Variants in ANO6 observed in about 807,000 individuals in gnomAD.
ANO6 encodes the protein anoctamin 6, also known as anoctamin-6.
Under a neutral mutation model 117.5 loss-of-function variants are expected in ANO6, and 106 were observed. That is an observed-to-expected ratio of 0.90 (90% CI 0.77 to 1.06). The LOEUF (loss-of-function observed/expected upper bound fraction) is 1.06. ANO6 is among the 50% of genes least tolerant of loss of function. The pLI is 0.00. For missense variants in ANO6, 955 were observed against 1,121.1 expected (o/e 0.85, Z 2.12); for synonymous variants, 367 against 385.1 (o/e 0.95, Z 0.55).
rs144265779 is a variant in ANO6 at position 45,349,580 on chromosome 12, GAAAGT to G, written c.747+954_747+958del. Among the ~76,000 whole-genome samples the G allele has an allele frequency of 8.0e-3, 1,217 of 152,286 alleles. 17 individuals are homozygous for G. The highest frequency in any genetic ancestry group is 0.027 in the African/African-American group (1,112 of 41,554). The stretch of plus-strand genomic sequence containing the variant: ...ATTTATCTGACTGTGTAAGACCAAA[GAAAGT>G]AAAGACTGAGATTGGTAATTGCTAC... On this transcript the variant is annotated intron_variant, in intron 6 of 19. Transcript: ENST00000320560.
chr12:45,390,440 T>G lies in ANO6; in HGVS notation c.1328T>G (p.Phe443Cys). ...AATTAGGAAGAAGAACGCATTCCCTTTACTGCCTGGGGAAAATGTATACGG... is the reference window on the plus strand; with the variant it reads ...AATTAGGAAGAAGAACGCATTCCCTGTACTGCCTGGGGAAAATGTATACGG... ...EITQEEERIP[F>C]TAWGKCIRIT... is the part of the protein sequence containing the mutation. The change falls in exon 12 of 20, where the codon TTT (phenylalanine) becomes TGT (cysteine). Residue 443 changes from phenylalanine to cysteine, a missense_variant. By Grantham distance (205) the Phe-to-Cys change is radical. Transcript: ENST00000320560. 2 of 1,613,984 alleles carry G rather than the reference T, an allele frequency of 1.2e-6. No individual in the cohort carries two copies. The highest frequency in any genetic ancestry group is 1.7e-6 in the Non-Finnish European group (2 of 1,179,904).
At chr12:45,228,464 G>A (rs1437714606) in intron 1 of ANO6, among the ~76,000 whole-genome samples, 1 of 152,014 alleles carries the variant, frequency 6.6e-6, no homozygotes, top group Non-Finnish European at 1.5e-5. Context: ...AAGTATGCAT[G>A]CTCCTTTGTG....
chr12:45,306,024 A>C (rs1328791060), intron 2 of ANO6, among the ~76,000 whole-genome samples: 1 of 152,152 alleles, frequency 6.6e-6, no homozygotes, highest in African/African-American at 2.4e-5. Flanking sequence ...CTGAGTACAC[A>C]TGAGCTGAGG....
chr12:45,316,770 T>C (rs1356358807), intron 2 of ANO6, among the ~76,000 whole-genome samples: 1 of 151,486 alleles, frequency 6.6e-6, no homozygotes, highest in Non-Finnish European at 1.5e-5. Context: ...ATATATGACA[T>C]ATATATGTAT....
At chr12:45,252,517 T>C (rs74080983) in intron 1 of ANO6, among the ~76,000 whole-genome samples, 1,581 of 152,340 alleles carry the variant, frequency 0.01, 31 homozygotes, top group African/African-American at 0.036. Context: ...ACTGTTTTTA[T>C]GAGCTGTTTG....
At chr12:45,290,171 A>AT (rs879335553) in intron 1 of ANO6, among the ~76,000 whole-genome samples, 30 of 147,606 alleles carry the variant, frequency 2.0e-4, no homozygotes, top group Admixed American at 3.4e-4. Context: ...TACATGTAAA[A>AT]TTTTTTTTTT....
chr12:45,417,992 ACATAT>A (rs1378663566), intron 17 of ANO6, among the ~76,000 whole-genome samples: 8 of 152,324 alleles, frequency 5.3e-5, no homozygotes, highest in Non-Finnish European at 1.0e-4. Flanking sequence ...ATTCCCTACC[ACATAT>A]CATAAGAATA....
chr12:45,232,744 T>C (rs1211375785), intron 1 of ANO6, among the ~76,000 whole-genome samples: 1 of 152,218 alleles, frequency 6.6e-6, no homozygotes, highest in Non-Finnish European at 1.5e-5. Flanking sequence ...TGCTAGTGGT[T>C]CCAGTGCCCC....
intron 1 of ANO6, among the ~76,000 whole-genome samples, chr12:45,298,983 TAA>T (rs1194086669): frequency 6.9e-6 from 1 of 145,608 alleles, no homozygotes. Flanking sequence ...AATACTGGTG[TAA>T]AAAAAAAAAC....
intron 17 of ANO6, among the ~76,000 whole-genome samples, chr12:45,419,247 AG>A (rs1423457447): frequency 9.9e-5 from 15 of 152,262 alleles, no homozygotes; most frequent in Non-Finnish European, 1.5e-4. Flanking sequence ...GTGCTCTTGC[AG>A]CATGTCTCTC....
At chr12:45,302,707 A>ATTAGGATTAATTAATTT (rs1939535007) in intron 2 of ANO6, among the ~76,000 whole-genome samples, 2 of 152,174 alleles carry the variant, frequency 1.3e-5, no homozygotes, top group East Asian at 3.9e-4. Context: ...AAGAAAATTA[A>ATTAGGATTAATTAATTT]GCACATAGGA....
downstream of ANO6, among the ~76,000 whole-genome samples, chr12:45,432,895 T>A (rs1449118293): frequency 6.6e-6 from 1 of 152,184 alleles, no homozygotes; most frequent in African/African-American, 2.4e-5. Context: ...AGATCATATG[T>A]AAAAGCAGAA....
chr12:45,283,373 G>A (rs780621261), intron 1 of ANO6, among the ~76,000 whole-genome samples: 8 of 152,164 alleles, frequency 5.3e-5, no homozygotes, highest in Non-Finnish European at 1.2e-4. Context: ...CATGGCATAG[G>A]AGGAGGCTTT....
intron 10 of ANO6, among the ~76,000 whole-genome samples, chr12:45,387,451 T>C (rs1307539850): frequency 6.6e-6 from 1 of 152,114 alleles, no homozygotes; most frequent in East Asian, 1.9e-4. Context: ...GAAAAGCAGA[T>C]GAAGGATGGA....
Position 45,348,034 on chromosome 12 carries a change from G to A in ANO6, c.352G>A (p.Asp118Asn). The change falls in exon 5 of 20, where the codon GAT becomes AAT. Residue 118 changes from aspartate to asparagine, a missense_variant. Coordinates refer to ENST00000320560, the MANE Select transcript of ANO6 (RefSeq NM_001025356.3). ...LQLEATRSVL[D>N]DKLVFVKVHA... ...TTTTATTTTTCCAATATAGGTATTG[G>A]ATGACAAGCTTGTATTTGTAAAAGT... 1 of 1,613,610 alleles carries A rather than the reference G, an allele frequency of 6.2e-7. No homozygotes were observed. Among genetic ancestry groups the A allele is most frequent in the African/African-American group, 1.3e-5 (1 of 74,992 alleles).
chr12:45,282,638 C>T (rs192234601), intron 1 of ANO6, among the ~76,000 whole-genome samples: 8 of 152,224 alleles, frequency 5.3e-5, no homozygotes, highest in Admixed American at 2.0e-4. Flanking sequence ...GGAGTGCCAG[C>T]GTACTTTGAC....
chr12:45,308,218 G>A (rs1939739746), intron 2 of ANO6, among the ~76,000 whole-genome samples: 1 of 151,806 alleles, frequency 6.6e-6, no homozygotes, highest in African/African-American at 2.4e-5. Context: ...GAGTGAGAGG[G>A]AAGGATTACT....
chr12:45,246,726 C>A (rs893788863), intron 1 of ANO6, among the ~76,000 whole-genome samples: 2 of 151,448 alleles, frequency 1.3e-5, no homozygotes, highest in African/African-American at 2.4e-5. Flanking sequence ...TGGGGGTAGA[C>A]CAGATGACTT....
chr12:45,342,708 T>C (rs777372708), intron 3 of ANO6, among the ~76,000 whole-genome samples: 3 of 152,220 alleles, frequency 2.0e-5, no homozygotes, highest in African/African-American at 7.2e-5. Context: ...ATCAGACATT[T>C]ATTGTGTGCT....
Sources: allele counts gnomAD v4.1 joint callset (sites outside exome capture counted in the v4.1 genomes callset), GRCh38; gene constraint gnomAD v4.1.1; transcripts MANE v1.5; gene names NCBI Gene and HGNC (gene_info 2026-07-23, HGNC 2026-07-21).